RHOA: variants seen among roughly 807,000 people sequenced by gnomAD.
RHOA encodes the protein transforming protein RhoA.
Under a neutral mutation model 17.5 loss-of-function variants are expected in RHOA, and 3 were observed. The ratio of observed to expected loss-of-function variants is 0.17; its 90% confidence interval spans 0.08 to 0.44. The LOEUF (loss-of-function observed/expected upper bound fraction) is 0.44. Among genes scored for constraint, RHOA ranks in the 20% least tolerant of loss-of-function variants. RHOA has a pLI of 0.99. For missense variants in RHOA, 56 were observed against 242.3 expected, an observed-to-expected ratio of 0.23 and a Z score of 5.10; for synonymous variants, 98 against 88.4, an observed-to-expected ratio of 1.11 and a Z score of -0.61.
At chr3:49,406,244 C>CA (rs942617843) in intron 1 of RHOA, among the ~76,000 whole-genome samples, 15 of 150,862 alleles carry the variant, frequency 9.9e-5, no homozygotes, top group Non-Finnish European at 1.3e-4. Flanking sequence ...AACAAAGTTA[C>CA]AAAAAAAAAT....
intron 1 of RHOA, among the ~76,000 whole-genome samples, chr3:49,397,275 C>T (rs1007417014): frequency 3.3e-5 from 5 of 151,816 alleles, no homozygotes; most frequent in Admixed American, 6.6e-5. Context: ...TCTATAGAGA[C>T]ACAAAGTAGA....
intron 1 of RHOA, among the ~76,000 whole-genome samples, chr3:49,402,667 C>CT (rs1382378918): frequency 6.6e-6 from 1 of 150,964 alleles, no homozygotes; most frequent in Non-Finnish European, 1.5e-5. Context: ...GATCAAGACT[C>CT]TGTCTCAAAA....
chr3:49,366,241 G>A (rs2048054522), intron 3 of RHOA, among the ~76,000 whole-genome samples: 1 of 152,068 alleles, frequency 6.6e-6, no homozygotes, highest in South Asian at 2.1e-4. Context: ...TTTTCTCTGT[G>A]GCCTAAAGCT....
In RHOA at chr3:49,375,411, G is replaced by A. The variant is rs748171302; in HGVS notation, c.156+23C>T. ...TATTCTAACATGGAAAATGGCATCA[G>A]TTGTTATGAAAAGTATACTCACCTG... On this transcript the variant is annotated intron_variant, in intron 2 of 4. Transcript: ENST00000418115. 6 of 1,590,530 alleles carry A rather than the reference G, an allele frequency of 3.8e-6. 1 individual carries two copies. The South Asian group carries it at 6.8e-5, about 18-fold the overall frequency.
chr3:49,402,952 G>A (rs577270900), intron 1 of RHOA, among the ~76,000 whole-genome samples: 9 of 150,802 alleles, frequency 6.0e-5, no homozygotes, highest in East Asian at 3.9e-4. Flanking sequence ...CAGAAGAATC[G>A]CTTGAACCCG....
At chr3:49,409,584 C>T (rs564936834) in intron 1 of RHOA, among the ~76,000 whole-genome samples, 1 of 152,234 alleles carries the variant, frequency 6.6e-6, no homozygotes, top group South Asian at 2.1e-4. Context: ...TAACATATAT[C>T]TCTCAGCTCT....
intron 1 of RHOA, among the ~76,000 whole-genome samples, chr3:49,397,723 C>G (rs1373744128): frequency 2.6e-5 from 4 of 151,942 alleles, no homozygotes; most frequent in African/African-American, 9.7e-5. Context: ...AGCAACATTA[C>G]GAGATTAGAG....
At chr3:49,396,520 A>T (rs1211252778) in intron 1 of RHOA, among the ~76,000 whole-genome samples, 1 of 152,146 alleles carries the variant, frequency 6.6e-6, no homozygotes, top group Non-Finnish European at 1.5e-5. Context: ...CAGCCTGGCC[A>T]ACATAGTGAA....
At chr3:49,391,632 C>T (rs1039928507) in intron 1 of RHOA, among the ~76,000 whole-genome samples, 16 of 151,906 alleles carry the variant, frequency 1.1e-4, no homozygotes, top group African/African-American at 3.1e-4. Flanking sequence ...CAACCTCCGC[C>T]TCCCCGGTAG....
intron 2 of RHOA, among the ~76,000 whole-genome samples, 188 bp from the exon 3 acceptor site, chr3:49,368,736 C>G (rs1223325380): frequency 8.6e-6 from 1 of 116,336 alleles, no homozygotes; most frequent in Non-Finnish European, 1.7e-5. Flanking sequence ...GAGATGTAGT[C>G]TTGCTCTGTC....
At chr3:49,391,253 G>T (rs1275851910) in intron 1 of RHOA, among the ~76,000 whole-genome samples, 1 of 151,136 alleles carries the variant, frequency 6.6e-6, no homozygotes, top group African/African-American at 2.4e-5. Context: ...TTAGCCAGGT[G>T]TGGTAGTACA....
chr3:49,407,560 A>G (rs2048855255), intron 1 of RHOA, among the ~76,000 whole-genome samples: 1 of 152,044 alleles, frequency 6.6e-6, no homozygotes, highest in Admixed American at 6.6e-5. Context: ...ATTTGTCCAA[A>G]TTATCATATT....
intron 1 of RHOA, among the ~76,000 whole-genome samples, chr3:49,402,897 C>T (rs758656716): frequency 9.2e-5 from 14 of 151,740 alleles, no homozygotes; most frequent in South Asian, 2.1e-4. Context: ...ATTAGCCGGG[C>T]GTGGTGGCGG....
rs2047931733 is a variant in RHOA at position 49,359,873 on chromosome 3, ATAAAG to A, written c.*331_*335del. 3.4e-6 allele frequency: 1 copy of A among 291,944 alleles called. No individual in the cohort carries two copies. The highest frequency in any genetic ancestry group is 7.7e-5 in the South Asian group (1 of 12,944). 18.1% of individuals were successfully genotyped at this position (291,944 alleles called of 1,614,324 possible). ...AGATAATAGGCAGGACATGTTAGTT[ATAAAG>A]TAGTTACAGCCTAATTCACAAAAGT... On this transcript the variant is annotated 3_prime_UTR_variant, in exon 5 of 5. Coordinates refer to ENST00000418115, the MANE Select transcript of RHOA (RefSeq NM_001664.4).
intron 1 of RHOA, among the ~76,000 whole-genome samples, chr3:49,389,115 G>A (rs1358891378): frequency 6.6e-6 from 1 of 152,030 alleles, no homozygotes; most frequent in Non-Finnish European, 1.5e-5. Context: ...GCCGAGGCGG[G>A]TGGAACACCT....
intron 1 of RHOA, among the ~76,000 whole-genome samples, chr3:49,402,661 AAG>A (rs1318145987): frequency 6.6e-6 from 1 of 151,808 alleles, no homozygotes; most frequent in African/African-American, 2.4e-5. Context: ...GAAACAGATC[AAG>A]ACTCTGTCTC....
intron 1 of RHOA, among the ~76,000 whole-genome samples, chr3:49,393,695 T>TGC (rs2048559003): frequency 7.5e-6 from 1 of 133,460 alleles, no homozygotes; most frequent in Non-Finnish European, 1.5e-5. Flanking sequence ...TGTGTGTGTG[T>TGC]GTGTGTGTGT....
intron 1 of RHOA, among the ~76,000 whole-genome samples, chr3:49,380,095 G>A (rs1479331238): frequency 6.6e-6 from 1 of 152,308 alleles, no homozygotes; most frequent in East Asian, 1.9e-4. Context: ...AGAATCAGCA[G>A]TATGTTGTGG....
At chr3:49,395,435 G>A (rs1575672242) in intron 1 of RHOA, among the ~76,000 whole-genome samples, 1 of 152,262 alleles carries the variant, frequency 6.6e-6, no homozygotes, top group African/African-American at 2.4e-5. Context: ...GCCTGGCCGG[G>A]CACGGCTGTT....
Sources: allele counts gnomAD v4.1 joint callset (sites outside exome capture counted in the v4.1 genomes callset), GRCh38; gene constraint gnomAD v4.1.1; transcripts MANE v1.5; gene names NCBI Gene and HGNC (gene_info 2026-07-23, HGNC 2026-07-21).